The following CCSER1 variants were observed in gnomAD, a reference collection of about 807,000 sequenced individuals.
The protein encoded by CCSER1 is serine-rich coiled-coil domain-containing protein 1.
CCSER1 carries 41 observed loss-of-function variants against 82.0 expected under a neutral mutation model. The ratio of observed to expected loss-of-function variants is 0.50; its 90% confidence interval spans 0.39 to 0.65. CCSER1 has a LOEUF of 0.65. Ranked by LOEUF, CCSER1 falls within the 30% of genes least tolerant of loss-of-function variation. The probability of loss-of-function intolerance (pLI) is 0.00; values close to 1 mark genes in which losing one functional copy is unlikely to be tolerated. For missense variants in CCSER1, 1,119 were observed against 1,064.2 expected, an observed-to-expected ratio of 1.05 and a Z score of -0.72; for synonymous variants, 414 against 383.9, an observed-to-expected ratio of 1.08 and a Z score of -0.92.
chr4:91,154,284 C>G (rs930638092), intron 10 of CCSER1, among the ~76,000 whole-genome samples: 1 of 152,052 alleles, frequency 6.6e-6, no homozygotes, highest in African/African-American at 2.4e-5. Flanking sequence ...GTGAGCAAGG[C>G]TCCATGGGTG....
rs189467020 is a variant in CCSER1 at position 90,575,187 on chromosome 4, T to C, written c.1725-52838T>C. 7.2e-5 allele frequency among the ~76,000 whole-genome samples: 11 copies of C among 152,364 alleles called. No individual in the cohort carries two copies. In the East Asian group the frequency reaches 2.1e-3, roughly 29 times the overall value. On this transcript the variant is annotated intron_variant, in intron 5 of 10. Transcript: ENST00000509176. ...ATTTTATGTTGCTATAACAAAATTC[T>C]GCAGACTGAGTAATTTATAATGAAT... is the stretch of plus-strand genomic sequence containing the variant.
At chr4:90,726,738 G>A (rs1283431953) in intron 7 of CCSER1, among the ~76,000 whole-genome samples, 1 of 152,100 alleles carries the variant, frequency 6.6e-6, no homozygotes, top group East Asian at 1.9e-4. Context: ...AGAGTGGTTT[G>A]ATTGGTGTAG....
At chr4:90,203,745 T>G (rs565642789) in intron 1 of CCSER1, among the ~76,000 whole-genome samples, 2 of 152,314 alleles carry the variant, frequency 1.3e-5, no homozygotes, top group African/African-American at 4.8e-5. Context: ...TTTCTGGATC[T>G]AGAGCCATGA....
intron 10 of CCSER1, among the ~76,000 whole-genome samples, chr4:91,189,386 G>A (rs1235323932): frequency 3.9e-5 from 6 of 152,014 alleles, no homozygotes; most frequent in Non-Finnish European, 8.8e-5. Flanking sequence ...TTCTTAATTA[G>A]GACAGGAGAT....
At chr4:90,654,927 T>A (rs1244485498) in intron 6 of CCSER1, among the ~76,000 whole-genome samples, 2 of 152,198 alleles carry the variant, frequency 1.3e-5, no homozygotes, top group East Asian at 3.9e-4. Flanking sequence ...ATCAGAAATT[T>A]TAATTTCAGT....
At chr4:91,056,105 T>C (rs559641451) in intron 9 of CCSER1, among the ~76,000 whole-genome samples, 5 of 152,168 alleles carry the variant, frequency 3.3e-5, no homozygotes, top group Admixed American at 6.6e-5. Context: ...CCTGAAATTC[T>C]TCATGTCTTT....
At chr4:90,428,221 C>T (rs982273284) in intron 4 of CCSER1, among the ~76,000 whole-genome samples, 3 of 151,764 alleles carry the variant, frequency 2.0e-5, no homozygotes, top group Admixed American at 6.6e-5. Flanking sequence ...TTCTACATTA[C>T]CATCTTTCCC....
In CCSER1 at chr4:91,103,436, A is replaced by G. The variant is rs570959056; in HGVS notation, c.2217+17442A>G. Among the ~76,000 whole-genome samples, 235 of 152,198 alleles carry G rather than the reference A, an allele frequency of 1.5e-3. 2 individuals carry two copies. Among genetic ancestry groups the G allele is most frequent in the African/African-American group, 5.3e-3 (219 of 41,526 alleles). ...CTAATAATGAAAAAAATGCATTTCT[A>G]ATTTTTTAGCTCCTAAGAAACATTG... On this transcript the variant is annotated intron_variant, in intron 10 of 10. Coordinates refer to ENST00000509176, the MANE Select transcript of CCSER1 (RefSeq NM_001145065.2).
At chr4:91,266,455 G>A (rs1741593493) in intron 10 of CCSER1, among the ~76,000 whole-genome samples, 1 of 151,940 alleles carries the variant, frequency 6.6e-6, no homozygotes, top group Non-Finnish European at 1.5e-5. Context: ...GTTTCACCAT[G>A]TTAGCCAGGA....
intron 9 of CCSER1, among the ~76,000 whole-genome samples, chr4:91,070,385 A>G (rs1721306607): frequency 6.6e-6 from 1 of 152,140 alleles, no homozygotes; most frequent in African/African-American, 2.4e-5. Flanking sequence ...TATATTTCTA[A>G]ACATTGCAAG....
At chr4:91,090,692 T>C (rs1277050233) in intron 10 of CCSER1, among the ~76,000 whole-genome samples, 1 of 152,174 alleles carries the variant, frequency 6.6e-6, no homozygotes, top group Non-Finnish European at 1.5e-5. Flanking sequence ...AACATACCAT[T>C]AAGTGACTTA....
chr4:90,267,967 C>T (rs554126536), intron 1 of CCSER1, among the ~76,000 whole-genome samples: 1 of 152,246 alleles, frequency 6.6e-6, no homozygotes, highest in African/African-American at 2.4e-5. Context: ...TCCAAGGAAA[C>T]CTTACAGGCC....
chr4:90,782,842 T>C (rs533345450), intron 7 of CCSER1, among the ~76,000 whole-genome samples: 4 of 151,836 alleles, frequency 2.6e-5, no homozygotes, highest in East Asian at 2.0e-4. Context: ...CCATCACGCC[T>C]GGCTAATTTT....
At chr4:91,379,727 A>T (rs555763234) in intron 10 of CCSER1, among the ~76,000 whole-genome samples, 2,993 of 151,848 alleles carry the variant, frequency 0.02, 77 homozygotes, top group African/African-American at 0.067. Flanking sequence ...TCTTGAAGGG[A>T]TTTTTGTGTC....
Position 91,187,554 on chromosome 4 carries a change from T to TTA in CCSER1, c.2217+101560_2217+101561insTA, listed in dbSNP as rs368675255. Among the ~76,000 whole-genome samples the TTA allele has an allele frequency of 2.6e-4, 39 of 151,872 alleles. No individual in the cohort carries two copies. In the South Asian group the frequency reaches 3.5e-3, roughly 14 times the overall value. ...GAAATCAATAAATTTGTTTTTTTTT[T>TTA]AATTTTTTATTTTTGAGACGGAGTT... On this transcript the variant is annotated intron_variant, in intron 10 of 10. Coordinates refer to ENST00000509176, the MANE Select transcript of CCSER1 (RefSeq NM_001145065.2).
intron 9 of CCSER1, among the ~76,000 whole-genome samples, chr4:91,069,623 A>G (rs574517122): frequency 6.6e-6 from 1 of 152,338 alleles, no homozygotes; most frequent in East Asian, 1.9e-4. Flanking sequence ...TAATAAATAC[A>G]TTAATATGAA....
At chr4:91,279,405 T>C (rs1742738100) in intron 10 of CCSER1, among the ~76,000 whole-genome samples, 1 of 152,174 alleles carries the variant, frequency 6.6e-6, no homozygotes, top group African/African-American at 2.4e-5. Context: ...TATGGTATCC[T>C]ATATGTCTCA....
At chr4:91,004,958 A>G (rs866210814) in intron 9 of CCSER1, among the ~76,000 whole-genome samples, 1 of 152,196 alleles carries the variant, frequency 6.6e-6, no homozygotes, top group Non-Finnish European at 1.5e-5. Flanking sequence ...GATTAGCACA[A>G]GGGAGAGTGG....
rs556170031 is a variant in CCSER1, at chr4:90,605,942, C to T, written c.1725-22083C>T. 1.3e-4 allele frequency among the ~76,000 whole-genome samples: 19 copies of T among 151,968 alleles called. No homozygotes were observed. In the South Asian group the frequency reaches 3.9e-3, roughly 32 times the overall value. The stretch of plus-strand genomic sequence containing the variant: ...GACAATAACATATGCCAAATCAATG[C>T]TTAAATTGATACTTTTTATAATTTT... On this transcript the variant is annotated intron_variant, in intron 5 of 10. Coordinates refer to ENST00000509176, the MANE Select transcript of CCSER1 (RefSeq NM_001145065.2).
Sources: gnomAD v4.1 joint callset for allele counts (sites outside exome capture counted in the v4.1 genomes callset) on GRCh38, gnomAD v4.1.1 for gene constraint, MANE v1.5 for transcripts, NCBI Gene and HGNC (gene_info 2026-07-23, HGNC 2026-07-21) for gene names.